The following DMD variants were observed in gnomAD, a reference collection of about 807,000 sequenced individuals.
DMD encodes dystrophin, also known as mutant dystrophin.
DMD carries 63 observed loss-of-function variants against 330.1 expected under a neutral mutation model. The observed-to-expected ratio is 0.19, with a 90% CI of 0.16 to 0.24. The LOEUF is 0.24. Among genes scored for constraint, DMD ranks in the 10% least tolerant of loss-of-function variants. The pLI is 1.00. For synonymous variants in DMD, 1,223 were observed against 959.8 expected, an observed-to-expected ratio of 1.27 and a Z score of -5.07; for missense variants, 3,344 against 2,684.1, an observed-to-expected ratio of 1.25 and a Z score of -5.43.
At chrX:32,632,732 CG>C (rs386824653) in intron 11 of DMD, among the ~76,000 whole-genome samples, 4 of 38,297 alleles carry the variant, frequency 1.0e-4, no homozygotes, top group Non-Finnish European at 2.4e-4. Context: ...ACGCTGGGTG[CG>C]GGGGGGAGGG....
chrX:31,479,615 A>G (rs1381759675), intron 57 of DMD, among the ~76,000 whole-genome samples: 7 of 112,369 alleles, frequency 6.2e-5, no homozygotes, highest in African/African-American at 2.3e-4. Flanking sequence ...TAGGTAAGCT[A>G]AGAGAAAAGT....
intron 52 of DMD, among the ~76,000 whole-genome samples, chrX:31,715,220 T>TGGGG (rs79807469): frequency 1.3e-5 from 1 of 77,729 alleles, no homozygotes; most frequent in African/African-American, 4.2e-5. Flanking sequence ...TGGGGGTTGG[T>TGGGG]GGGGGGGGAG....
chrX:32,717,246 G>A (rs1043495663), intron 7 of DMD, among the ~76,000 whole-genome samples: 1 of 111,463 alleles, frequency 9.0e-6, no homozygotes, highest in African/African-American at 3.3e-5. Flanking sequence ...TGGAGGTCTA[G>A]GAAGGAAAAA....
chrX:31,840,224 C>G (rs1305240676), intron 48 of DMD, among the ~76,000 whole-genome samples: 1 of 111,407 alleles, frequency 9.0e-6, no homozygotes, highest in African/African-American at 3.3e-5. Flanking sequence ...TTATTCCAAC[C>G]TTTAAAAAAG....
At chrX:32,726,784 A>C (rs2066933708) in intron 7 of DMD, among the ~76,000 whole-genome samples, 1 of 110,836 alleles carries the variant, frequency 9.0e-6, no homozygotes, top group South Asian at 3.8e-4. Context: ...GGATGTGCTA[A>C]TTACCCTGAA....
At chrX:33,166,870 A>T (rs750595844) in intron 1 of DMD, among the ~76,000 whole-genome samples, 4 of 110,859 alleles carry the variant, frequency 3.6e-5, no homozygotes, top group African/African-American at 1.3e-4. Context: ...CAAATAAAAG[A>T]ATTAATTTCT....
At chrX:31,962,893 C>T (rs1308885305) in intron 45 of DMD, among the ~76,000 whole-genome samples, 4 of 111,536 alleles carry the variant, frequency 3.6e-5, no homozygotes, top group Non-Finnish European at 5.6e-5. Context: ...GCTTGTAGCA[C>T]TGGTTCACAC....
rs765712461 is a variant in DMD at position 32,095,472 on chromosome X, G to A, written c.6438+121444C>T. On this transcript the variant is annotated intron_variant, in intron 44 of 78. Coordinates refer to ENST00000357033, the MANE Select transcript of DMD (RefSeq NM_004006.3). ...GAAAATCTTAAATTCCTCGAGACCA[G>A]GTCTGTGTATGAATCATCTGAAATC... Among the ~76,000 whole-genome samples the A allele has an allele frequency of 3.6e-5, 4 of 111,317 alleles. No homozygotes were observed. The South Asian group carries it at 1.1e-3, about 32-fold the overall frequency.
At chrX:32,089,997 T>C (rs16990097) in intron 44 of DMD, among the ~76,000 whole-genome samples, 5,619 of 111,911 alleles carry the variant, frequency 0.05, 325 homozygotes, top group African/African-American at 0.17. Context: ...CAGAGATCAC[T>C]GAGACAAAGA....
chrX:31,676,191 C>T (rs1269098168), intron 53 of DMD, among the ~76,000 whole-genome samples: 2 of 112,089 alleles, frequency 1.8e-5, no homozygotes, highest in African/African-American at 6.5e-5. Flanking sequence ...GGCACACAGA[C>T]TCAGAAAGAA....
intron 62 of DMD, among the ~76,000 whole-genome samples, chrX:31,262,257 A>G (rs2050598784): frequency 8.9e-6 from 1 of 112,167 alleles, no homozygotes; most frequent in Non-Finnish European, 1.9e-5. Context: ...ATTAAAAGCA[A>G]ATCTGTTATT....
chrX:33,293,133 T>C (rs2053538213), intron 1 of DMD, among the ~76,000 whole-genome samples: 1 of 111,569 alleles, frequency 9.0e-6, no homozygotes, highest in Non-Finnish European at 1.9e-5. Context: ...TTGATTTTTA[T>C]CTTTTCTCAC....
chrX:33,324,424 T>C (rs1470140618), intron 1 of DMD, among the ~76,000 whole-genome samples: 1 of 112,215 alleles, frequency 8.9e-6, no homozygotes, highest in Non-Finnish European at 1.9e-5. Flanking sequence ...GATTATTAAC[T>C]ATCACAACAT....
At chrX:33,319,330 A>T (rs1360254652) in intron 1 of DMD, among the ~76,000 whole-genome samples, 1 of 111,793 alleles carries the variant, frequency 8.9e-6, no homozygotes, top group Non-Finnish European at 1.9e-5. Flanking sequence ...AAAAATAATC[A>T]GCATCACTAC....
chrX:31,944,663 C>CTTT (rs1176678451), intron 45 of DMD, among the ~76,000 whole-genome samples: 4 of 81,528 alleles, frequency 4.9e-5, no homozygotes, highest in Non-Finnish European at 9.5e-5. Context: ...TTTTGTTCTG[C>CTTT]TTTTTTTTTT....
At chrX:32,827,539 A>C (rs778369213) in intron 4 of DMD, among the ~76,000 whole-genome samples, 1 of 111,259 alleles carries the variant, frequency 9.0e-6, no homozygotes, top group African/African-American at 3.3e-5. Context: ...CCAGGTAATA[A>C]GTATGGTGCC....
At chrX:31,169,844 G>A (rs1238278627) in intron 73 of DMD, among the ~76,000 whole-genome samples, 1 of 111,635 alleles carries the variant, frequency 9.0e-6, no homozygotes, top group Non-Finnish European at 1.9e-5. Flanking sequence ...CTATTTACAC[G>A]GATAAATGAA....
At chrX:31,721,083 T>G (rs1208960299) in intron 52 of DMD, among the ~76,000 whole-genome samples, 1 of 111,656 alleles carries the variant, frequency 9.0e-6, no homozygotes, top group African/African-American at 3.3e-5. Context: ...ACTCTGAAAT[T>G]CATTAAGATA....
rs756058765 is a variant in DMD, at chrX:32,644,951, C to T, written c.1149+13G>A. Reference sequence around the variant, plus strand: ...TCATATGTTTTGTTTTGTAAATTAACGTTTTAGTTTACCTCATGAGTATGA... The same window carrying T: ...TCATATGTTTTGTTTTGTAAATTAATGTTTTAGTTTACCTCATGAGTATGA... On this transcript the variant is annotated intron_variant, in intron 10 of 78. Transcript: ENST00000357033. 15 of 1,205,226 alleles carry T rather than the reference C, an allele frequency of 1.2e-5. No individual in the cohort carries two copies. The East Asian group carries it at 2.7e-4, about 21-fold the overall frequency.
Sources: allele counts gnomAD v4.1 joint callset (sites outside exome capture counted in the v4.1 genomes callset), GRCh38; gene constraint gnomAD v4.1.1; transcripts MANE v1.5; gene names NCBI Gene and HGNC (gene_info 2026-07-23, HGNC 2026-07-21).